Variants in DAB1 observed in about 807,000 individuals in gnomAD.
DAB1 encodes disabled homolog 1.
DAB1 carries 15 observed loss-of-function variants against 64.6 expected under a neutral mutation model. The observed-to-expected ratio is 0.23, with a 90% CI of 0.16 to 0.36. The LOEUF (loss-of-function observed/expected upper bound fraction) is 0.36. Among genes scored for constraint, DAB1 ranks in the 10% least tolerant of loss-of-function variants. The probability of loss-of-function intolerance (pLI) is 1.00; values close to 1 mark genes in which losing one functional copy is unlikely to be tolerated. For synonymous variants in DAB1, 235 were observed against 251.9 expected, an observed-to-expected ratio of 0.93 and a Z score of 0.64; for missense variants, 596 against 706.7, an observed-to-expected ratio of 0.84 and a Z score of 1.78.
intron 6 of DAB1, among the ~76,000 whole-genome samples, chr1:57,786,207 A>G (rs535125212): frequency 6.6e-6 from 1 of 152,220 alleles, no homozygotes; most frequent in Non-Finnish European, 1.5e-5. Context: ...ACAGTATAGT[A>G]TAAAGATAAC....
At chr1:58,394,269 T>C (rs879364971) in intron 3 of DAB1, among the ~76,000 whole-genome samples, 7 of 152,352 alleles carry the variant, frequency 4.6e-5, no homozygotes, top group Admixed American at 4.6e-4. Context: ...CCAGTGCTAA[T>C]GGAGAATGCT....
intron 9 of DAB1, among the ~76,000 whole-genome samples, chr1:57,036,260 C>G (rs1010985000): frequency 5.3e-5 from 8 of 152,290 alleles, no homozygotes; most frequent in African/African-American, 1.9e-4. Flanking sequence ...TACTCCTGAA[C>G]CCTTCAATCC....
At position 57,134,288 on chromosome 1, in the gene DAB1, T is replaced by C. The variant is rs76121308; in HGVS notation, c.306+2255A>G. On this transcript the variant is annotated intron_variant, in intron 4 of 14. Transcript: ENST00000371236. ...GCTCCTCTTCCTACTTGACAACTCATATAAAGACTGTTAAGGCTGGGCGCG... is the reference window on the plus strand; with the variant it reads ...GCTCCTCTTCCTACTTGACAACTCACATAAAGACTGTTAAGGCTGGGCGCG... Among the ~76,000 whole-genome samples the C allele has an allele frequency of 1.0e-2, 1,518 of 152,152 alleles. 24 individuals are homozygous for C. The highest frequency in any genetic ancestry group is 0.054 in the East Asian group (278 of 5,146).
At chr1:58,257,768 C>T (rs1240007788) in intron 4 of DAB1, among the ~76,000 whole-genome samples, 1 of 152,202 alleles carries the variant, frequency 6.6e-6, no homozygotes, top group Non-Finnish European at 1.5e-5. Flanking sequence ...TCTAATTTTA[C>T]AGCTGGGGGA....
chr1:57,744,904 T>C (rs1385941716), intron 6 of DAB1, among the ~76,000 whole-genome samples: 1 of 152,160 alleles, frequency 6.6e-6, no homozygotes, highest in Non-Finnish European at 1.5e-5. Flanking sequence ...TTTCTCAGTT[T>C]CAAGGACAAA....
At chr1:58,373,169 CTT>C (rs201654648) in intron 3 of DAB1, among the ~76,000 whole-genome samples, 108 of 138,706 alleles carry the variant, frequency 7.8e-4, no homozygotes, top group African/African-American at 2.6e-3. Flanking sequence ...TTACTATTTT[CTT>C]TTTTTTTTTT....
chr1:57,991,856 A>AC (rs1646345528), intron 5 of DAB1, among the ~76,000 whole-genome samples: 2 of 149,806 alleles, frequency 1.3e-5, no homozygotes, highest in African/African-American at 4.9e-5. Flanking sequence ...AAAAAAAAAA[A>AC]AAAAAAAAAA....
intron 6 of DAB1, among the ~76,000 whole-genome samples, chr1:57,728,991 G>A (rs1373830691): frequency 1.3e-5 from 2 of 152,164 alleles, no homozygotes; most frequent in Non-Finnish European, 2.9e-5. Flanking sequence ...CGACTTTGTA[G>A]GTGACTCATG....
At chr1:57,823,215 C>G (rs1652198956), downstream of DAB1, among the ~76,000 whole-genome samples, 1 of 151,980 alleles carries the variant, frequency 6.6e-6, no homozygotes, top group Non-Finnish European at 1.5e-5. Context: ...AAACTCCTGA[C>G]CTCGTGATCC....
chr1:58,355,019 T>A (rs1327186322), intron 3 of DAB1, among the ~76,000 whole-genome samples: 1 of 152,198 alleles, frequency 6.6e-6, no homozygotes, highest in Non-Finnish European at 1.5e-5. Context: ...AATCTATACA[T>A]TTATTTCCTG....
chr1:57,884,838 T>C (rs913946408), upstream of DAB1, among the ~76,000 whole-genome samples: 30 of 152,278 alleles, frequency 2.0e-4, no homozygotes, highest in African/African-American at 7.2e-4. Context: ...TCTCGCTCTG[T>C]TAGTTCCTAT....
chr1:58,254,382 T>TG (rs1660875411), intron 4 of DAB1, among the ~76,000 whole-genome samples: 1 of 101,620 alleles, frequency 9.8e-6, no homozygotes, highest in Admixed American at 9.4e-5. Flanking sequence ...GGAATTTATT[T>TG]ATTTTTTTTT....
chr1:58,058,490 C>T (rs1463838881), intron 5 of DAB1, among the ~76,000 whole-genome samples: 1 of 152,152 alleles, frequency 6.6e-6, no homozygotes, highest in Non-Finnish European at 1.5e-5. Context: ...TGCAATAACT[C>T]TCTGCCAGGC....
chr1:58,320,927 T>TGGGA (rs1662667215), intron 4 of DAB1, among the ~76,000 whole-genome samples: 1 of 152,212 alleles, frequency 6.6e-6, no homozygotes, highest in Admixed American at 6.5e-5. Context: ...TCCTCCTCCC[T>TGGGA]CTCTCCTGGA....
At chr1:57,717,199 T>C (rs928517912) in intron 6 of DAB1, among the ~76,000 whole-genome samples, 8 of 151,494 alleles carry the variant, frequency 5.3e-5, no homozygotes, top group Non-Finnish European at 1.0e-4. Flanking sequence ...ACCGCACCAT[T>C]GCACTCCAGC....
intron 3 of DAB1, among the ~76,000 whole-genome samples, chr1:58,429,284 C>T (rs1303658369): frequency 6.6e-6 from 1 of 152,002 alleles, no homozygotes; most frequent in Non-Finnish European, 1.5e-5. Flanking sequence ...GGGAGAGTCA[C>T]CAGGACATAA....
At chr1:58,368,840 C>A (rs1644239063) in intron 3 of DAB1, among the ~76,000 whole-genome samples, 1 of 152,156 alleles carries the variant, frequency 6.6e-6, no homozygotes, top group Non-Finnish European at 1.5e-5. Context: ...GTAGCCTGGA[C>A]AACATGGGAA....
intron 2 of DAB1, among the ~76,000 whole-genome samples, chr1:57,187,779 G>GAA (rs1557896699): frequency 6.6e-6 from 1 of 152,070 alleles, no homozygotes; most frequent in Admixed American, 6.6e-5. Flanking sequence ...ATGCAGGTAA[G>GAA]TTCTCAACCA....
chr1:57,328,931 A>G (rs1676411666), intron 1 of DAB1, among the ~76,000 whole-genome samples: 2 of 152,350 alleles, frequency 1.3e-5, no homozygotes, highest in East Asian at 1.9e-4. Context: ...TATTCGTAGT[A>G]GTATTAATCT....
Sources: allele counts gnomAD v4.1 joint callset (sites outside exome capture counted in the v4.1 genomes callset), GRCh38; gene constraint gnomAD v4.1.1; transcripts MANE v1.5; gene names NCBI Gene and HGNC (gene_info 2026-07-23, HGNC 2026-07-21).